Variants in CSMD1 observed in about 807,000 individuals in gnomAD.
CSMD1 encodes CUB and Sushi multiple domains 1, also known as CUB and sushi domain-containing protein 1.
CSMD1 carries 213 observed loss-of-function variants against 417.5 expected under a neutral mutation model. That is an observed-to-expected ratio of 0.51 (90% confidence interval 0.46 to 0.57). The LOEUF is 0.57. Ranked by LOEUF, CSMD1 falls within the 20% of genes least tolerant of loss-of-function variation. CSMD1 has a pLI of 0.00. For synonymous variants in CSMD1, 2,862 were observed against 1,736.8 expected, an observed-to-expected ratio of 1.65 and a Z score of -16.11; for missense variants, 6,923 against 4,529.7, an observed-to-expected ratio of 1.53 and a Z score of -15.17.
At chr8:4,036,378 G>C (rs913939988) in intron 3 of CSMD1, among the ~76,000 whole-genome samples, 7 of 152,100 alleles carry the variant, frequency 4.6e-5, no homozygotes, top group South Asian at 2.1e-4. Context: ...CTGCGCAATG[G>C]TATTTTCCAG....
At chr8:3,180,667 G>A (rs1013863685) in intron 37 of CSMD1, among the ~76,000 whole-genome samples, 3 of 151,878 alleles carry the variant, frequency 2.0e-5, no homozygotes, top group Admixed American at 6.6e-5. Flanking sequence ...ACGGCATCTC[G>A]CTCTGTCACC....
At chr8:4,434,276 G>T (rs1798029152) in intron 2 of CSMD1, among the ~76,000 whole-genome samples, 1 of 152,172 alleles carries the variant, frequency 6.6e-6, no homozygotes, top group Non-Finnish European at 1.5e-5. Flanking sequence ...TGAGGCAAGA[G>T]AATTGCTTGA....
rs367905856 is a variant in CSMD1, at chr8:3,874,710, G to C, written c.819-120668C>G. Among the ~76,000 whole-genome samples the C allele has an allele frequency of 1.0e-3, 154 of 152,216 alleles. 1 individual carries two copies. The highest frequency in any genetic ancestry group is 3.4e-3 in the African/African-American group (142 of 41,536). ...TGCAAGTCCCTCCTACAACAAATGC[G>C]ACTGGCGCCCACTGCTCTTGGCAAT... On this transcript the variant is annotated intron_variant, in intron 5 of 69. Transcript: ENST00000635120.
chr8:4,663,454 A>G (rs969488908), intron 1 of CSMD1, among the ~76,000 whole-genome samples: 1 of 152,132 alleles, frequency 6.6e-6, no homozygotes, highest in Non-Finnish European at 1.5e-5. Flanking sequence ...AACCCTGAAT[A>G]TTGGAGGAGG....
At chr8:4,106,493 T>C (rs1347912670) in intron 3 of CSMD1, among the ~76,000 whole-genome samples, 2 of 152,180 alleles carry the variant, frequency 1.3e-5, no homozygotes, top group African/African-American at 4.8e-5. Context: ...TGAGTAACCC[T>C]GTTCAATAGA....
Position 2,937,552 on chromosome 8 carries a change from C to A in CSMD1, c.*1033G>T, listed in dbSNP as rs1343301715. 6.6e-6 allele frequency: 1 copy of A among 152,008 alleles called. No homozygotes were observed. The highest frequency in any genetic ancestry group is 1.5e-5 in the Non-Finnish European group (1 of 68,018). The allele number at this position is 152,008 out of a possible 1,614,324, so 9.4% of individuals were successfully genotyped here. A position where few individuals can be genotyped will look rare whatever the true frequency, so the allele number is the denominator to read the frequency against. ...AATTACTATTCACAGTTTTACATGG[C>A]AAACAGAAATTTCTGCAAACCCCCT... is the stretch of plus-strand genomic sequence containing the variant. On this transcript the variant is annotated 3_prime_UTR_variant, in exon 70 of 70. Coordinates refer to ENST00000635120, the MANE Select transcript of CSMD1 (RefSeq NM_033225.6).
In CSMD1 at chr8:4,241,149, G is replaced by GCTTGTCTT. The variant is rs561187923; in HGVS notation, c.415+178796_415+178803dup. On this transcript the variant is annotated intron_variant, in intron 3 of 69. Coordinates refer to ENST00000635120, the MANE Select transcript of CSMD1 (RefSeq NM_033225.6). ...CCCTAGCTTCACTGATGGCCCTACA[G>GCTTGTCTT]CTTGTCTTCTTAAACAAATGAAATC... Among the ~76,000 whole-genome samples the GCTTGTCTT allele has an allele frequency of 1.4e-3, 219 of 152,210 alleles. 1 individual carries two copies. The highest frequency in any genetic ancestry group is 5.0e-3 in the African/African-American group (206 of 41,554).
chr8:3,844,791 T>G (rs1294769960), intron 5 of CSMD1, among the ~76,000 whole-genome samples: 1 of 152,182 alleles, frequency 6.6e-6, no homozygotes, highest in Non-Finnish European at 1.5e-5. Context: ...CTCTGCCACT[T>G]CTGTTCATAG....
chr8:3,742,382 A>G (rs1405399230), intron 6 of CSMD1, among the ~76,000 whole-genome samples: 5 of 152,188 alleles, frequency 3.3e-5, no homozygotes, highest in Non-Finnish European at 7.3e-5. Context: ...TTTTTCAAGA[A>G]CTATAAGTAA....
At chr8:4,206,869 T>A (rs2131273071) in intron 3 of CSMD1, among the ~76,000 whole-genome samples, 1 of 152,322 alleles carries the variant, frequency 6.6e-6, no homozygotes, top group Non-Finnish European at 1.5e-5. Flanking sequence ...TTTAATACAA[T>A]ATTATTTTTC....
chr8:3,411,606 C>A (rs1405208521), intron 12 of CSMD1, among the ~76,000 whole-genome samples: 1 of 150,354 alleles, frequency 6.7e-6, no homozygotes, highest in Non-Finnish European at 1.5e-5. Flanking sequence ...ATCCAGGTTG[C>A]TGCGAATGCC....
chr8:3,676,073 G>C (rs980144286), intron 7 of CSMD1, among the ~76,000 whole-genome samples: 1 of 152,178 alleles, frequency 6.6e-6, no homozygotes, highest in East Asian at 1.9e-4. Context: ...ATTAGCACCT[G>C]TATCTCTTAA....
At chr8:4,571,298 A>C (rs994572062) in intron 2 of CSMD1, among the ~76,000 whole-genome samples, 13 of 152,256 alleles carry the variant, frequency 8.5e-5, no homozygotes, top group Admixed American at 4.6e-4. Flanking sequence ...ATTTTCCCTC[A>C]GAACACTGCT....
At chr8:4,125,892 G>A (rs942674970) in intron 3 of CSMD1, among the ~76,000 whole-genome samples, 8 of 152,096 alleles carry the variant, frequency 5.3e-5, no homozygotes, top group African/African-American at 1.9e-4. Context: ...TTACGGTTTA[G>A]GAGACACGCA....
At chr8:3,508,253 A>T (rs1001210788) in intron 10 of CSMD1, among the ~76,000 whole-genome samples, 1 of 151,780 alleles carries the variant, frequency 6.6e-6, no homozygotes, top group Non-Finnish European at 1.5e-5. Context: ...TGTCTGTGAC[A>T]GATGATGCAA....
intron 3 of CSMD1, among the ~76,000 whole-genome samples, chr8:4,247,816 A>C (rs1563332665): frequency 6.6e-6 from 1 of 152,220 alleles, no homozygotes; most frequent in Non-Finnish European, 1.5e-5. Context: ...GCAAGTGCTT[A>C]AGTTCACTTT....
chr8:3,923,074 G>T (rs1437699376), intron 5 of CSMD1, among the ~76,000 whole-genome samples: 1 of 152,112 alleles, frequency 6.6e-6, no homozygotes, highest in Non-Finnish European at 1.5e-5. Context: ...TGTTCCTGGA[G>T]CCCAGTTGCG....
intron 12 of CSMD1, among the ~76,000 whole-genome samples, chr8:3,445,971 G>C (rs563795660): frequency 1.3e-5 from 2 of 152,258 alleles, no homozygotes; most frequent in Admixed American, 6.5e-5. Context: ...GCTTGTTCTG[G>C]GCACAACAGA....
rs1335435632 is a variant in CSMD1 at position 3,387,669 on chromosome 8, C to T, written c.2607G>A (p.Glu869=). ...FLIHYESVTL[E]SDSCLDPGIP... is the part of the protein sequence containing the mutation. ...TGCCCGGGTCCAGGCAGGAATCCGA[C>T]TCAAGCGTCACACCTGGATGCACAG... is the stretch of plus-strand genomic sequence containing the variant. Residue 869 remains glutamate (E), a synonymous_variant, in exon 18 of 70, where the codon GAG becomes GAA. Transcript: ENST00000635120. 5 of 1,596,002 alleles carry T rather than the reference C, an allele frequency of 3.1e-6. No individual in the cohort carries two copies. Among genetic ancestry groups the T allele is most frequent in the Non-Finnish European group, 3.4e-6 (4 of 1,171,052 alleles).
Sources: allele counts gnomAD v4.1 joint callset (sites outside exome capture counted in the v4.1 genomes callset), GRCh38; gene constraint gnomAD v4.1.1; transcripts MANE v1.5; gene names NCBI Gene and HGNC (gene_info 2026-07-23, HGNC 2026-07-21).